HTR7: variants seen among roughly 807,000 people sequenced by gnomAD.
HTR7 encodes 5-HT-7.
Under a neutral mutation model 34.0 loss-of-function variants are expected in HTR7, and 16 were observed. That is an observed-to-expected ratio of 0.47 (90% CI 0.32 to 0.71). The LOEUF (loss-of-function observed/expected upper bound fraction) is 0.71. HTR7 is among the 30% of genes least tolerant of loss of function. The pLI, the probability that HTR7 is intolerant of heterozygous loss-of-function variation, is 0.04. For missense variants in HTR7, 504 were observed against 625.5 expected, an observed-to-expected ratio of 0.81 and a Z score of 2.07; for synonymous variants, 265 against 260.2, an observed-to-expected ratio of 1.02 and a Z score of -0.18.
intron 1 of HTR7, among the ~76,000 whole-genome samples, chr10:90,831,431 T>C (rs543146038): frequency 6.6e-6 from 1 of 152,192 alleles, no homozygotes; most frequent in South Asian, 2.1e-4. Context: ...GTGGTCTCGG[T>C]GACTTCAGGA....
intron 1 of HTR7, among the ~76,000 whole-genome samples, chr10:90,844,666 G>T (rs916712697): frequency 3.0e-5 from 4 of 133,374 alleles, no homozygotes; most frequent in African/African-American, 1.2e-4. Flanking sequence ...GGCGTAGCTT[G>T]CAGTGAGCCG....
chr10:90,856,995 G>T (rs1037892555), intron 1 of HTR7, 138 bp downstream of exon 1: 4 of 750,450 alleles, frequency 5.3e-6, no homozygotes, highest in African/African-American at 3.5e-5. Flanking sequence ...GGGTGGATTG[G>T]GGGGAGCGGT....
chr10:90,836,518 T>G (rs976514361), intron 1 of HTR7, among the ~76,000 whole-genome samples: 2 of 152,068 alleles, frequency 1.3e-5, no homozygotes, highest in African/African-American at 4.8e-5. Context: ...AATTAAAATT[T>G]TTTTAAAATT....
intron 1 of HTR7, among the ~76,000 whole-genome samples, chr10:90,778,440 G>A (rs1347922368): frequency 6.6e-6 from 1 of 152,106 alleles, no homozygotes; most frequent in East Asian, 1.9e-4. Flanking sequence ...ACCACCTGGG[G>A]ACTCTGCAGA....
chr10:90,857,056 A>T lies in HTR7; in HGVS notation c.539+77T>A. On this transcript the variant is annotated intron_variant, in intron 1 of 3. Transcript: ENST00000336152. This position sits in a 1 kb window ranked among gnomAD's most constrained non-coding sequence, Gnocchi z 6.5. ...CCTTGAAGTCTAGCTTGATCCTCCCAGGAAAGGCGAGCGCGCGGGGCTGAG... is the reference window on the plus strand; with the variant it reads ...CCTTGAAGTCTAGCTTGATCCTCCCTGGAAAGGCGAGCGCGCGGGGCTGAG... 7.4e-7 allele frequency: 1 copy of T among 1,346,642 alleles called. No individual in the cohort carries two copies. Among genetic ancestry groups the T allele is most frequent in the Non-Finnish European group, 1.0e-6 (1 of 998,358 alleles). 83.4% of individuals were successfully genotyped at this position (1,346,642 alleles called of 1,614,324 possible). A position where few individuals can be genotyped will look rare whatever the true frequency, so the allele number is the denominator to read the frequency against.
At chr10:90,852,208 A>T (rs1433546090) in intron 1 of HTR7, among the ~76,000 whole-genome samples, 1 of 152,040 alleles carries the variant, frequency 6.6e-6, no homozygotes, top group Non-Finnish European at 1.5e-5. Context: ...GAAGTAAAAA[A>T]AAAAAAGTTT....
chr10:90,856,248 A>T (rs1041739826), intron 1 of HTR7, among the ~76,000 whole-genome samples: 9 of 152,338 alleles, frequency 5.9e-5, no homozygotes, highest in Middle Eastern at 3.4e-3. Context: ...TTTCAAGTGA[A>T]ATAGAGTTGT....
At chr10:90,806,357 G>A (rs1429922211) in intron 1 of HTR7, among the ~76,000 whole-genome samples, 2 of 152,204 alleles carry the variant, frequency 1.3e-5, no homozygotes, top group East Asian at 3.9e-4. Context: ...CCAACACTTT[G>A]GGAGGCTGAG....
chr10:90,753,544 T>C (rs1446507427), intron 1 of HTR7, among the ~76,000 whole-genome samples: 2 of 152,216 alleles, frequency 1.3e-5, no homozygotes, highest in Non-Finnish European at 2.9e-5. Context: ...ATCATTCTAT[T>C]ACGTTGCTAT....
rs1589431286 is a variant in HTR7 at position 90,742,147 on chromosome 10, G to A, written c.*335C>T. Reference sequence around the variant, plus strand: ...GCCTAGACTCAGAAGCATGGGAAGTGTGCACTGGAACTTTCTCCCACTTGC... The same window carrying A: ...GCCTAGACTCAGAAGCATGGGAAGTATGCACTGGAACTTTCTCCCACTTGC... On this transcript the variant is annotated 3_prime_UTR_variant, in exon 4 of 4. Coordinates refer to ENST00000336152, the MANE Select transcript of HTR7 (RefSeq NM_019859.4). 5.1e-6 allele frequency: 1 copy of A among 196,202 alleles called. No homozygotes were observed. Among genetic ancestry groups the A allele is most frequent in the Non-Finnish European group, 1.0e-5 (1 of 96,594 alleles). The allele number at this position is 196,202 out of a possible 1,614,324, so 12.2% of individuals were successfully genotyped here. A position where few individuals can be genotyped will look rare whatever the true frequency, so the allele number is the denominator to read the frequency against.
chr10:90,823,799 G>C (rs192999846), intron 1 of HTR7, among the ~76,000 whole-genome samples: 1 of 152,286 alleles, frequency 6.6e-6, no homozygotes, highest in Admixed American at 6.5e-5. Flanking sequence ...CTGTTCTCAT[G>C]ATAGAGTTCT....
intron 1 of HTR7, among the ~76,000 whole-genome samples, chr10:90,808,098 G>A (rs948754342): frequency 6.6e-6 from 1 of 152,168 alleles, no homozygotes; most frequent in African/African-American, 2.4e-5. Context: ...AATAATTGCA[G>A]ATACGCCTCT....
At chr10:90,842,251 G>A (rs1437209368) in intron 1 of HTR7, among the ~76,000 whole-genome samples, 1 of 152,144 alleles carries the variant, frequency 6.6e-6, no homozygotes, top group Non-Finnish European at 1.5e-5. Flanking sequence ...ACATGACGAT[G>A]CAGCAACAAG....
chr10:90,838,907 G>A (rs1426173370), intron 1 of HTR7, among the ~76,000 whole-genome samples: 2 of 152,206 alleles, frequency 1.3e-5, no homozygotes, highest in Non-Finnish European at 2.9e-5. Flanking sequence ...ATGTGTGTGT[G>A]TGTGTTTTAA....
intron 1 of HTR7, among the ~76,000 whole-genome samples, chr10:90,796,961 G>C (rs1364583550): frequency 6.6e-6 from 1 of 150,466 alleles, no homozygotes; most frequent in Admixed American, 6.6e-5. Context: ...GCAGTGAGCC[G>C]AGATCATGCC....
intron 1 of HTR7, among the ~76,000 whole-genome samples, chr10:90,774,370 A>G (rs1047653885): frequency 3.9e-5 from 6 of 152,168 alleles, no homozygotes; most frequent in Admixed American, 1.3e-4. Context: ...TGGAGTTGTC[A>G]GTTCCCTTAG....
In HTR7 at chr10:90,808,197, T is replaced by TG. The variant is rs529855491; in HGVS notation, c.539+48935dup. The stretch of plus-strand genomic sequence containing the variant: ...CCCTTAGCGGCAAGTCCCACTTTTC[T>TG]GGGGGGGGCAAGTACCCCAACCCCT... On this transcript the variant is annotated intron_variant, in intron 1 of 3. Coordinates refer to ENST00000336152, the MANE Select transcript of HTR7 (RefSeq NM_019859.4). Among the ~76,000 whole-genome samples, 288 of 151,786 alleles carry TG rather than the reference T, an allele frequency of 1.9e-3. 1 individual carries two copies. Among genetic ancestry groups the TG allele is most frequent in the South Asian group, 7.3e-3 (35 of 4,776 alleles).
At chr10:90,788,620 A>G (rs1050560402) in intron 1 of HTR7, among the ~76,000 whole-genome samples, 2 of 152,230 alleles carry the variant, frequency 1.3e-5, no homozygotes, top group Non-Finnish European at 2.9e-5. Flanking sequence ...TGTGATATCA[A>G]TGTATCAGTA....
intron 1 of HTR7, among the ~76,000 whole-genome samples, chr10:90,750,637 G>A (rs937842597): frequency 2.6e-5 from 4 of 152,068 alleles, no homozygotes; most frequent in African/African-American, 9.7e-5. Flanking sequence ...ACATAAAAAG[G>A]AAAGATACAG....
Sources: allele counts gnomAD v4.1 joint callset (sites outside exome capture counted in the v4.1 genomes callset), GRCh38; gene constraint gnomAD v4.1.1; non-coding constraint Gnocchi (gnomAD v3.1); transcripts MANE v1.5; gene names NCBI Gene and HGNC (gene_info 2026-07-23, HGNC 2026-07-21).